The following BBS4 variants were observed in gnomAD, a reference collection of about 807,000 sequenced individuals.
BBS4 encodes the protein Bardet-Biedl syndrome 4.
BBS4 carries 58 observed loss-of-function variants against 71.4 expected under a neutral mutation model. The ratio of observed to expected loss-of-function variants is 0.81; its 90% CI spans 0.66 to 1.01. The LOEUF (loss-of-function observed/expected upper bound fraction) is 1.01, where lower values mean the gene tolerates loss of function less well. Among genes scored for constraint, BBS4 ranks in the 50% least tolerant of loss-of-function variants. BBS4 has a pLI of 0.00. For synonymous variants in BBS4, 228 were observed against 216.8 expected (o/e 1.05, Z -0.46); for missense variants, 660 against 607.9 (o/e 1.09, Z -0.90).
intron 9 of BBS4, 98 bp from the exon 10 acceptor site, chr15:72,729,518 G>A (rs1180115027): frequency 2.6e-6 from 3 of 1,136,736 alleles, no homozygotes; most frequent in Non-Finnish European, 1.3e-6. Context: ...CCAAAGTGCT[G>A]GGATTATAGG....
intron 2 of BBS4, among the ~76,000 whole-genome samples, chr15:72,708,241 C>T (rs1164496528): frequency 6.6e-6 from 1 of 152,196 alleles, no homozygotes; most frequent in Non-Finnish European, 1.5e-5. Context: ...GCTGGGATTA[C>T]AGGCGTGAGC....
intron 2 of BBS4, among the ~76,000 whole-genome samples, chr15:72,704,823 T>G (rs1595916772): frequency 6.6e-6 from 1 of 152,108 alleles, no homozygotes; most frequent in African/African-American, 2.4e-5. Flanking sequence ...GAGATTGCGG[T>G]GAGCTAAGAT....
chr15:72,687,850 A>G (rs967374694), intron 1 of BBS4, among the ~76,000 whole-genome samples: 8 of 145,006 alleles, frequency 5.5e-5, no homozygotes, highest in African/African-American at 2.0e-4. Context: ...AGAATCGCTT[A>G]GAACCCAGGA....
In BBS4 at chr15:72,724,567, C is replaced by G; in HGVS notation, c.499C>G (p.His167Asp). 1 of 1,614,084 alleles carries G rather than the reference C, an allele frequency of 6.2e-7. No homozygotes were observed. The highest frequency in any genetic ancestry group is 8.5e-7 in the Non-Finnish European group (1 of 1,179,992). The stretch of plus-strand genomic sequence containing the variant: ...GCACAATGCCCTGAATCTTAATAGG[C>G]ACGATCTGACTTATATAATGCTGGG... ...QLHNALNLNR[H>D]DLTYIMLGKI... The change falls in exon 8 of 16, where the codon CAC (histidine) becomes GAC (aspartate). Residue 167 changes from histidine (H) to aspartate (D), a missense_variant. Coordinates refer to ENST00000268057, the MANE Select transcript of BBS4 (RefSeq NM_033028.5).
chr15:72,735,046 G>A (rs1368531475), intron 12 of BBS4, 67 bp from the exon 13 acceptor site: 1 of 1,166,396 alleles, frequency 8.6e-7, no homozygotes, highest in Non-Finnish European at 1.3e-6. Context: ...TACTTTGGGG[G>A]TAGTCTTTAA....
At chr15:72,736,272 C>T (rs28451211) in intron 14 of BBS4, among the ~76,000 whole-genome samples, 1,939 of 133,974 alleles carry the variant, frequency 0.014, 40 homozygotes, top group African/African-American at 0.043. Flanking sequence ...GACGGAATCT[C>T]GCTCTGTTGC....
At position 72,707,423 on chromosome 15, in the gene BBS4, C is replaced by T. The variant is rs370958694; in HGVS notation, c.77-2277C>T. 2.4e-4 allele frequency among the ~76,000 whole-genome samples: 37 copies of T among 152,136 alleles called. No individual in the cohort carries two copies. In the East Asian group the frequency reaches 6.6e-3, roughly 27 times the overall value. ...CAAACTCCTGGACTCAAATGATCTGCCCTCCTCGGTCTCCCAAAGTGCTGG... is the reference window on the plus strand; with the variant it reads ...CAAACTCCTGGACTCAAATGATCTGTCCTCCTCGGTCTCCCAAAGTGCTGG... On this transcript the variant is annotated intron_variant, in intron 2 of 15. Coordinates refer to ENST00000268057, the MANE Select transcript of BBS4 (RefSeq NM_033028.5).
intron 2 of BBS4, among the ~76,000 whole-genome samples, chr15:72,703,038 C>T (rs1050053604): frequency 3.3e-5 from 5 of 151,330 alleles, no homozygotes; most frequent in Non-Finnish European, 5.9e-5. Flanking sequence ...GTCTCGATCT[C>T]CTGACCTCGT....
chr15:72,710,217 T>G (rs1270164709), intron 3 of BBS4, among the ~76,000 whole-genome samples: 1 of 131,656 alleles, frequency 7.6e-6, no homozygotes, highest in African/African-American at 2.9e-5. Flanking sequence ...TTTTTTTTTT[T>G]TTTGAGATGG....
intron 1 of BBS4, among the ~76,000 whole-genome samples, chr15:72,690,383 ATCCTT>A (rs1290648935): frequency 6.6e-6 from 1 of 152,210 alleles, no homozygotes; most frequent in Non-Finnish European, 1.5e-5. Flanking sequence ...GGCTAATAGA[ATCCTT>A]TCCATCTCAA....
intron 8 of BBS4, among the ~76,000 whole-genome samples, chr15:72,727,003 A>G (rs2065714981): frequency 6.6e-6 from 1 of 152,208 alleles, no homozygotes; most frequent in Non-Finnish European, 1.5e-5. Context: ...TGGGGAAGCC[A>G]ATATTGCTAG....
intron 9 of BBS4, among the ~76,000 whole-genome samples, chr15:72,729,284 C>T (rs1408573870): frequency 4.9e-5 from 5 of 102,152 alleles, no homozygotes; most frequent in African/African-American, 1.1e-4. Context: ...GAGTTTCACT[C>T]TTTTTGCCTA....
intron 10 of BBS4, among the ~76,000 whole-genome samples, chr15:72,731,065 CTTTTTTTTTT>C (rs35004414): frequency 1.3e-4 from 10 of 77,638 alleles, no homozygotes; most frequent in Admixed American, 2.9e-4. Flanking sequence ...AACATTTTAT[CTTTTTTTTTT>C]TTTTTTTTTT....
chr15:72,710,523 C>T (rs765937411), intron 3 of BBS4, among the ~76,000 whole-genome samples: 4 of 151,818 alleles, frequency 2.6e-5, no homozygotes, highest in Non-Finnish European at 5.9e-5. Context: ...TTTAATTTCT[C>T]TCTTACTGCA....
chr15:72,728,125 T>G, intron 9 of BBS4, 131 bp downstream of exon 9: 1 of 689,376 alleles, frequency 1.5e-6, no homozygotes, highest in South Asian at 1.6e-5. Flanking sequence ...CTACACTCTC[T>G]CTATTCGATA....
rs2277596 is a variant in BBS4, at chr15:72,736,927, A to G, written c.1414A>G (p.Met472Val). The change falls in exon 15 of 16, where the codon ATG becomes GTG. Residue 472 changes from methionine (M) to valine (V), a missense_variant. Coordinates refer to ENST00000268057, the MANE Select transcript of BBS4 (RefSeq NM_033028.5). ...CTCTAATCAAGCTCTAGGACAGGCA[A>G]TGTCTTCAGCAGCTGCATACAGGAC... is the stretch of plus-strand genomic sequence containing the variant. ...LGSNQALGQA[M>V]SSAAAYRTLP... 652 of 1,614,200 alleles carry G rather than the reference A, an allele frequency of 4.0e-4. 2 individuals carry two copies. In the East Asian group the frequency reaches 9.9e-3, roughly 24 times the overall value.
rs1289543570 is a variant in BBS4, at chr15:72,686,669, A to T, written c.24+418A>T. 6 of 910,240 alleles carry T rather than the reference A, an allele frequency of 6.6e-6. No homozygotes were observed. In the East Asian group the frequency reaches 3.5e-4, roughly 54 times the overall value. The allele number at this position is 910,240 out of a possible 1,614,324, so 56.4% of individuals were successfully genotyped here. On this transcript the variant is annotated intron_variant, in intron 1 of 15. Transcript: ENST00000268057. ...CACTGCCTTCTGCCAGTGGAGCGGG[A>T]CTGTGTTTTTTCTGTGGTGATTAAG...
intron 10 of BBS4, 37 bp downstream of exon 10, chr15:72,729,721 A>T (rs772758455): frequency 6.4e-7 from 1 of 1,557,140 alleles, no homozygotes; most frequent in African/African-American, 1.4e-5. Flanking sequence ...CTTCATATAG[A>T]CGGTCCCACT....
At position 72,705,147 on chromosome 15, in the gene BBS4, A is replaced by G. The variant is rs115937633; in HGVS notation, c.77-4553A>G. Reference sequence around the variant, plus strand: ...ATCACTCATAAGTGTAACATACTTTATTATCTGTCCTGTGTGGTAGTAGCC... The same window carrying G: ...ATCACTCATAAGTGTAACATACTTTGTTATCTGTCCTGTGTGGTAGTAGCC... On this transcript the variant is annotated intron_variant, in intron 2 of 15. Transcript: ENST00000268057. 4.4e-3 allele frequency among the ~76,000 whole-genome samples: 674 copies of G among 152,236 alleles called. 8 individuals carry two copies. Among genetic ancestry groups the G allele is most frequent in the African/African-American group, 0.015 (632 of 41,550 alleles).
Sources: allele counts gnomAD v4.1 joint callset (sites outside exome capture counted in the v4.1 genomes callset), GRCh38; gene constraint gnomAD v4.1.1; transcripts MANE v1.5; gene names NCBI Gene and HGNC (gene_info 2026-07-23, HGNC 2026-07-21).